Variants in POC1A observed in about 807,000 individuals in gnomAD.
POC1A encodes POC1 centriolar protein A.
Under a neutral mutation model 47.8 loss-of-function variants are expected in POC1A, and 34 were observed. The ratio of observed to expected loss-of-function variants is 0.71; its 90% CI spans 0.54 to 0.95. The LOEUF (loss-of-function observed/expected upper bound fraction) is 0.95. POC1A is among the 40% of genes least tolerant of loss of function. POC1A has a pLI of 0.00. For missense variants in POC1A, 466 were observed against 528.3 expected (o/e 0.88, Z 1.16); for synonymous variants, 177 against 207.6 (o/e 0.85, Z 1.27).
At chr3:52,125,317 C>T (rs1703956691) in intron 7 of POC1A, 136 bp from the exon 8 acceptor site, 1 of 686,962 alleles carries the variant, frequency 1.5e-6, no homozygotes, top group Non-Finnish European at 2.5e-6. Context: ...CACAGTCCTC[C>T]GTAACCTGTA....
chr3:52,100,129 C>T (rs533517967), intron 9 of POC1A, among the ~76,000 whole-genome samples: 1 of 152,298 alleles, frequency 6.6e-6, no homozygotes, highest in East Asian at 1.9e-4. Context: ...CTGCTGCCTG[C>T]TTTTCATACA....
At chr3:52,149,494 G>A (rs1350821153) in intron 3 of POC1A, 105 bp from the exon 4 acceptor site, 4 of 1,075,070 alleles carry the variant, frequency 3.7e-6, no homozygotes, top group Non-Finnish European at 5.5e-6. Flanking sequence ...CCCAAAGTCA[G>A]TCAAGCCCGA....
intron 4 of POC1A, among the ~76,000 whole-genome samples, chr3:52,147,849 G>A (rs1487375832): frequency 2.0e-5 from 3 of 151,572 alleles, no homozygotes; most frequent in Admixed American, 2.0e-4. Flanking sequence ...GTTTTCTTAC[G>A]TAGCTTCATG....
At chr3:52,146,304 G>A (rs1698362729) in intron 5 of POC1A, among the ~76,000 whole-genome samples, 1 of 152,260 alleles carries the variant, frequency 6.6e-6, no homozygotes, top group African/African-American at 2.4e-5. Context: ...AGGGGTGGCT[G>A]CAGGGCAGAT....
intron 7 of POC1A, among the ~76,000 whole-genome samples, chr3:52,129,161 C>G (rs1289357208): frequency 6.6e-6 from 1 of 152,176 alleles, no homozygotes; most frequent in Non-Finnish European, 1.5e-5. Context: ...CACCTGTAAT[C>G]CCAGCTACTC....
At chr3:52,138,625 G>A (rs1488430646) in intron 6 of POC1A, among the ~76,000 whole-genome samples, 1 of 152,188 alleles carries the variant, frequency 6.6e-6, no homozygotes, top group African/African-American at 2.4e-5. Context: ...GAGCAGAATA[G>A]AGTACTCAAA....
At chr3:52,130,206 ACAC>A (rs1231929777) in intron 7 of POC1A, among the ~76,000 whole-genome samples, 4 of 152,192 alleles carry the variant, frequency 2.6e-5, no homozygotes, top group Admixed American at 6.5e-5. Context: ...TAGGATTGTC[ACAC>A]CACATGCCCC....
intron 5 of POC1A, 22 bp downstream of exon 5, chr3:52,146,963 TGGA>T: frequency 6.3e-7 from 1 of 1,583,684 alleles, no homozygotes; most frequent in Non-Finnish European, 8.7e-7. Flanking sequence ...CGCCTACAGG[TGGA>T]GGACAGCATC....
rs1698493913 is a variant in POC1A, at chr3:52,149,814, A to C, written c.275+2T>G. 1 of 1,612,634 alleles carries C rather than the reference A, an allele frequency of 6.2e-7. No homozygotes were observed. Among genetic ancestry groups the C allele is most frequent in the Non-Finnish European group, 8.5e-7 (1 of 1,179,340 alleles). On this transcript the variant is annotated splice_donor_variant, in intron 3 of 10. Coordinates refer to ENST00000296484, the MANE Select transcript of POC1A (RefSeq NM_015426.5). LOFTEE classifies it high-confidence loss of function. ...CAAGCCTCCTCAAAGTGTACGACTC[A>C]CACATTGGGTACCCAGATGCGGACA...
chr3:52,122,972 T>C (rs1703848100), intron 8 of POC1A, among the ~76,000 whole-genome samples: 1 of 152,256 alleles, frequency 6.6e-6, no homozygotes, highest in Admixed American at 6.5e-5. Context: ...GCCTGGCCTG[T>C]TACACTGTGA....
chr3:52,129,848 T>A (rs1704143438), intron 7 of POC1A, among the ~76,000 whole-genome samples: 1 of 152,214 alleles, frequency 6.6e-6, no homozygotes, highest in South Asian at 2.1e-4. Flanking sequence ...CCACACATCA[T>A]CTTCTGTTGC....
Position 52,075,767 on chromosome 3 carries a change from G to A in POC1A, c.*120C>T. The A allele has an allele frequency of 6.4e-6, 5 of 782,958 alleles. No individual in the cohort carries two copies. The South Asian group carries it at 7.2e-5, about 11-fold the overall frequency. The allele number at this position is 782,958 out of a possible 1,614,324, so 48.5% of individuals were successfully genotyped here. On this transcript the variant is annotated 3_prime_UTR_variant, in exon 11 of 11. Coordinates refer to ENST00000296484, the MANE Select transcript of POC1A (RefSeq NM_015426.5). Reference sequence around the variant, plus strand: ...GAGGGCAGAACTGCAAAAATCCAGGGCTCCAGTATGGATGTGATTCCCACA... The same window carrying A: ...GAGGGCAGAACTGCAAAAATCCAGGACTCCAGTATGGATGTGATTCCCACA...
rs1577932255 is a variant in POC1A, at chr3:52,151,580, C to T, written c.19-480G>A. On this transcript the variant is annotated intron_variant, in intron 1 of 10. Transcript: ENST00000296484. ...GAGCAGAGATTGTGCCACTGCACTC[C>T]AGCCTGGGTGACAGAGCGAGACTCC... Among the ~76,000 whole-genome samples, 4 of 141,308 alleles carry T rather than the reference C, an allele frequency of 2.8e-5. No individual in the cohort carries two copies. In the Admixed American group the frequency reaches 3.0e-4, roughly 11 times the overall value. 92.7% of individuals were successfully genotyped at this position (141,308 alleles called of 152,430 possible). A position where few individuals can be genotyped will look rare whatever the true frequency, so the allele number is the denominator to read the frequency against.
chr3:52,120,440 T>C (rs1703736515), intron 9 of POC1A, among the ~76,000 whole-genome samples: 2 of 152,000 alleles, frequency 1.3e-5, no homozygotes. Flanking sequence ...TTATGACAAA[T>C]AAGGAAAGAG....
chr3:52,125,978 G>A (rs889143631), intron 7 of POC1A, among the ~76,000 whole-genome samples: 1 of 152,206 alleles, frequency 6.6e-6, no homozygotes, highest in Admixed American at 6.5e-5. Context: ...ATCCCAGAAA[G>A]GTGCTCAGAG....
intron 10 of POC1A, among the ~76,000 whole-genome samples, chr3:52,077,380 C>G (rs1480712612): frequency 6.6e-6 from 1 of 152,240 alleles, no homozygotes; most frequent in Non-Finnish European, 1.5e-5. Flanking sequence ...TTTAAGGCTG[C>G]TATAAATTCT....
At chr3:52,111,282 C>G (rs1240189946) in intron 9 of POC1A, among the ~76,000 whole-genome samples, 1 of 152,232 alleles carries the variant, frequency 6.6e-6, no homozygotes, top group African/African-American at 2.4e-5. Flanking sequence ...TCCACTCCAA[C>G]CTTGCCACCT....
chr3:52,131,589 T>C (rs1018211310), intron 7 of POC1A, among the ~76,000 whole-genome samples: 7 of 152,056 alleles, frequency 4.6e-5, no homozygotes, highest in Non-Finnish European at 8.8e-5. Flanking sequence ...GCCCTTGAGA[T>C]GACTGGAAGG....
intron 6 of POC1A, among the ~76,000 whole-genome samples, chr3:52,140,966 G>A (rs572377187): frequency 6.6e-6 from 1 of 152,340 alleles, no homozygotes; most frequent in Admixed American, 6.5e-5. Flanking sequence ...CAAGTCCAAA[G>A]CCGCAGGCCT....
Sources: gnomAD v4.1 joint callset for allele counts (sites outside exome capture counted in the v4.1 genomes callset) on GRCh38, gnomAD v4.1.1 for gene constraint, MANE v1.5 for transcripts, NCBI Gene and HGNC (gene_info 2026-07-23, HGNC 2026-07-21) for gene names.